The following TYRO3 variants were observed in gnomAD, a reference collection of about 807,000 sequenced individuals.
TYRO3 encodes TYRO3 protein tyrosine kinase, also known as tyrosine-protein kinase receptor TYRO3.
A neutral mutation model predicts 95.2 loss-of-function variants in TYRO3; 38 were observed. The ratio of observed to expected loss-of-function variants is 0.40; its 90% CI spans 0.31 to 0.52. The LOEUF (loss-of-function observed/expected upper bound fraction) is 0.52. TYRO3 is among the 20% of genes least tolerant of loss of function. TYRO3 has a pLI of 0.56. For missense variants in TYRO3, 812 were observed against 1,116.4 expected, an observed-to-expected ratio of 0.73 and a Z score of 3.89; for synonymous variants, 367 against 432.9, an observed-to-expected ratio of 0.85 and a Z score of 1.89.
rs2055934046 is a variant in TYRO3 at position 41,582,681 on chromosome 15, A to G, written c.*4405A>G. ...TGGACAAGAGTGAGACTCCATCTCA[A>G]AAAAGAAAATAATAATAATATAGTT... On this transcript the variant is annotated 3_prime_UTR_variant, in exon 19 of 19. Coordinates refer to ENST00000263798, the MANE Select transcript of TYRO3 (RefSeq NM_006293.4). 6.6e-6 allele frequency: 1 copy of G among 152,168 alleles called. No individual in the cohort carries two copies. Among genetic ancestry groups the G allele is most frequent in the African/African-American group, 2.4e-5 (1 of 41,424 alleles). The allele number at this position is 152,168 out of a possible 1,614,324, so 9.4% of individuals were successfully genotyped here.
chr15:41,560,388 C>CGTGTGT (rs1177291795), intron 1 of TYRO3, among the ~76,000 whole-genome samples: 49 of 72,138 alleles, frequency 6.8e-4, no homozygotes, highest in South Asian at 2.3e-3. Context: ...AGGAGAGGTG[C>CGTGTGT]GTGTATGTGT....
Position 41,567,448 on chromosome 15 carries a change from C to A in TYRO3, c.872C>A (p.Ala291Asp). ...TGCCTGCTCCGGGACCTGGTGCCTG[C>A]CACCAACTACAGCCTCAGGGTGCGC... ...FTCLLRDLVP[A>D]TNYSLRVRCA... Residue 291 changes from alanine (A) to aspartate (D), a missense_variant, in exon 7 of 19, where the codon GCC becomes GAC. By Grantham distance (126) the Ala-to-Asp change is moderately radical. Transcript: ENST00000263798. 1 of 1,609,386 alleles carries A rather than the reference C, an allele frequency of 6.2e-7. No homozygotes were observed. Among genetic ancestry groups the A allele is most frequent in the Non-Finnish European group, 8.5e-7 (1 of 1,178,312 alleles).
intron 1 of TYRO3, 49 bp downstream of exon 1, chr15:41,559,430 C>T (rs1419012400): frequency 8.6e-6 from 2 of 231,368 alleles, no homozygotes; most frequent in Middle Eastern, 1.4e-3. Flanking sequence ...TGCGGAGGGG[C>T]GCGGCCGGGG....
chr15:41,571,253 C>G (rs768495813), intron 13 of TYRO3, 135 bp downstream of exon 13: 2 of 791,384 alleles, frequency 2.5e-6, no homozygotes, highest in African/African-American at 3.4e-5. Flanking sequence ...TGCTCTTTAC[C>G]ACACGAATAA....
chr15:41,570,487 A>C (rs1186418393), intron 11 of TYRO3, 117 bp from the exon 12 acceptor site: 2 of 1,386,558 alleles, frequency 1.4e-6, no homozygotes, highest in East Asian at 4.6e-5. Context: ...TCACCACCCC[A>C]GCCGTGGGAG....
intron 5 of TYRO3, chr15:41,564,814 C>G: frequency 1.8e-6 from 1 of 554,896 alleles, no homozygotes; most frequent in Non-Finnish European, 3.3e-6. Context: ...GAGGCAACCT[C>G]TCTCCACAGC....
chr15:41,575,867 C>A (rs189999021), intron 18 of TYRO3, among the ~76,000 whole-genome samples: 6 of 152,074 alleles, frequency 3.9e-5, no homozygotes, highest in East Asian at 1.9e-4. Context: ...GTAATCCCAG[C>A]GCTTTGGGAG....
Position 41,570,602 on chromosome 15 carries a change from A to G in TYRO3, c.1484-2A>G, listed in dbSNP as rs763948742. 6.2e-7 allele frequency: 1 copy of G among 1,614,114 alleles called. No homozygotes were observed. Among genetic ancestry groups the G allele is most frequent in the Non-Finnish European group, 8.5e-7 (1 of 1,179,966 alleles). ...TCTTTCCCACAAACCCTTTCCCCACAGTGGACAGCTTGGGCATCAGCGATG... is the reference window on the plus strand; with the variant it reads ...TCTTTCCCACAAACCCTTTCCCCACGGTGGACAGCTTGGGCATCAGCGATG... On this transcript the variant is annotated splice_acceptor_variant, in intron 11 of 18. Coordinates refer to ENST00000263798, the MANE Select transcript of TYRO3 (RefSeq NM_006293.4). LOFTEE classifies it high-confidence loss of function.
chr15:41,569,793 C>T (rs1223706564), intron 9 of TYRO3, among the ~76,000 whole-genome samples: 2 of 152,174 alleles, frequency 1.3e-5, no homozygotes, highest in African/African-American at 4.8e-5. Context: ...ATTCTCCTCT[C>T]TCTGCCCCAG....
chr15:41,577,689 A>G (rs970340163), intron 18 of TYRO3, 197 bp from the exon 19 acceptor site: 7 of 526,982 alleles, frequency 1.3e-5, no homozygotes, highest in Non-Finnish European at 2.3e-5. Context: ...GTTTTGCCAT[A>G]TTGCCCAGGC....
At chr15:41,559,468 C>T in intron 1 of TYRO3, 87 bp downstream of exon 1, 1 of 215,702 alleles carries the variant, frequency 4.6e-6, no homozygotes. Flanking sequence ...GCCTGGCGGG[C>T]TGGAGTCGGG....
intron 8 of TYRO3, among the ~76,000 whole-genome samples, 193 bp downstream of exon 8, chr15:41,568,555 C>A (rs1168700608): frequency 6.6e-6 from 1 of 152,134 alleles, no homozygotes; most frequent in Non-Finnish European, 1.5e-5. Context: ...GGGTTGCATC[C>A]TGTGTGCACT....
chr15:41,568,961 C>A lies in TYRO3; in HGVS notation c.1191C>A (p.Ser397=), dbSNP rs1345524605. The change falls in exon 9 of 19, where the codon TCC becomes TCA. Residue 397 remains serine (S), a synonymous_variant. Transcript: ENST00000263798. The part of the protein sequence containing the change: ...QKDLIVRVCV[S]NAVGCGPWSQ... ...ACCTGATCGTACGTGTGTGCGTCTCCAATGCAGTTGGCTGTGGACCCTGGA... is the reference window on the plus strand; with the variant it reads ...ACCTGATCGTACGTGTGTGCGTCTCAAATGCAGTTGGCTGTGGACCCTGGA... 2 of 1,613,990 alleles carry A rather than the reference C, an allele frequency of 1.2e-6. No individual in the cohort carries two copies. Among genetic ancestry groups the A allele is most frequent in the African/African-American group, 2.7e-5 (2 of 74,906 alleles).
intron 18 of TYRO3, among the ~76,000 whole-genome samples, chr15:41,574,909 G>A (rs2055842438): frequency 6.6e-6 from 1 of 152,160 alleles, no homozygotes; most frequent in South Asian, 2.1e-4. Flanking sequence ...TGTAGAGACA[G>A]GGCTCCGCCA....
intron 4 of TYRO3, 70 bp from the exon 5 acceptor site, chr15:41,564,114 T>G (rs2055690392): frequency 1.4e-6 from 2 of 1,402,152 alleles, no homozygotes; most frequent in East Asian, 2.3e-5. Context: ...AGCCTGAGTA[T>G]TCCCCTTTCC....
intron 16 of TYRO3, 91 bp downstream of exon 16, chr15:41,573,202 G>T: frequency 7.1e-7 from 1 of 1,403,418 alleles, no homozygotes. Flanking sequence ...GACAGTATCT[G>T]CTATGCATGG....
intron 5 of TYRO3, chr15:41,564,811 C>T: frequency 1.8e-6 from 1 of 549,888 alleles, no homozygotes; most frequent in Non-Finnish European, 3.3e-6. Context: ...GGAGAGGCAA[C>T]CTCTCTCCAC....
rs1241215623 is a variant in TYRO3, at chr15:41,580,626, A to AT, written c.*2365dup. On this transcript the variant is annotated 3_prime_UTR_variant, in exon 19 of 19. Transcript: ENST00000263798. ...TATTCAGCTGGGCACAGTGGCGTGT[A>AT]TTTTTTTTTTTTTTTGAGACGGAGT... 0.24 allele frequency: 33,815 copies of AT among 143,126 alleles called. 4,279 individuals carry two copies. Among genetic ancestry groups the AT allele is most frequent in the African/African-American group, 0.32 (12,679 of 39,300 alleles). 8.9% of individuals were successfully genotyped at this position (143,126 alleles called of 1,614,324 possible).
intron 14 of TYRO3, 55 bp downstream of exon 14, chr15:41,571,742 C>T: frequency 2.3e-6 from 2 of 860,560 alleles, no homozygotes; most frequent in Non-Finnish European, 3.8e-6. Context: ...ATATGCTCTA[C>T]CAATATGAGA....
Sources: gnomAD v4.1 joint callset for allele counts (sites outside exome capture counted in the v4.1 genomes callset) on GRCh38, gnomAD v4.1.1 for gene constraint, MANE v1.5 for transcripts, NCBI Gene and HGNC (gene_info 2026-07-23, HGNC 2026-07-21) for gene names.